Variants in ZMIZ1 observed in about 807,000 individuals in gnomAD.
The protein encoded by ZMIZ1 is zinc finger MIZ domain-containing protein 1.
Under a neutral mutation model 113.9 loss-of-function variants are expected in ZMIZ1, and 17 were observed. The ratio of observed to expected loss-of-function variants is 0.15; its 90% CI spans 0.10 to 0.22. The LOEUF (loss-of-function observed/expected upper bound fraction) is 0.22. Among genes scored for constraint, ZMIZ1 ranks in the 10% least tolerant of loss-of-function variants. The probability of loss-of-function intolerance (pLI) is 1.00; values close to 1 mark genes in which losing one functional copy is unlikely to be tolerated. For missense variants in ZMIZ1, 1,059 were observed against 1,477.8 expected (o/e 0.72, Z 4.65); for synonymous variants, 607 against 603.1 (o/e 1.01, Z -0.09).
chr10:79,312,100 C>T (rs1429413049), intron 24 of ZMIZ1, among the ~76,000 whole-genome samples: 1 of 152,230 alleles, frequency 6.6e-6, no homozygotes, highest in Non-Finnish European at 1.5e-5. Context: ...CCAAGGATAT[C>T]TCAGTAGAGG....
At chr10:79,121,816 G>A (rs1350238764) in intron 2 of ZMIZ1, among the ~76,000 whole-genome samples, 6 of 152,136 alleles carry the variant, frequency 3.9e-5, no homozygotes, top group African/African-American at 7.2e-5. Flanking sequence ...AATTTGCTAG[G>A]TTGATGTCAA....
chr10:79,152,278 C>A (rs1489125376), intron 3 of ZMIZ1, among the ~76,000 whole-genome samples: 1 of 152,158 alleles, frequency 6.6e-6, no homozygotes, highest in Non-Finnish European at 1.5e-5. Flanking sequence ...GCAAGAGGAG[C>A]ACTTGAGCTC....
chr10:79,131,398 GTT>G (rs1262105570), intron 2 of ZMIZ1, among the ~76,000 whole-genome samples: 1 of 152,150 alleles, frequency 6.6e-6, no homozygotes, highest in Non-Finnish European at 1.5e-5. Context: ...TTTTCAGGGG[GTT>G]TATCTCCCTC....
At chr10:79,147,984 G>A (rs978226206) in intron 3 of ZMIZ1, among the ~76,000 whole-genome samples, 4 of 152,328 alleles carry the variant, frequency 2.6e-5, no homozygotes, top group East Asian at 1.9e-4. Context: ...GGCCTTCATC[G>A]AGGTTTGTCA....
chr10:79,247,098 C>T (rs1850250721), intron 7 of ZMIZ1, among the ~76,000 whole-genome samples: 1 of 152,252 alleles, frequency 6.6e-6, no homozygotes, highest in Non-Finnish European at 1.5e-5. Flanking sequence ...GCTGCCGCCT[C>T]CAGCTCCCAT....
intron 7 of ZMIZ1, among the ~76,000 whole-genome samples, chr10:79,251,278 A>G (rs1211930754): frequency 2.0e-5 from 3 of 152,106 alleles, no homozygotes; most frequent in South Asian, 2.1e-4. Flanking sequence ...CATCTGTAGA[A>G]CCGGAGACTA....
chr10:79,199,368 A>G (rs562207282), intron 4 of ZMIZ1, among the ~76,000 whole-genome samples: 1 of 151,860 alleles, frequency 6.6e-6, no homozygotes, highest in South Asian at 2.1e-4. Context: ...TTAGCCAGGC[A>G]TAGTGGCAGC....
At chr10:79,307,360 T>G (rs1854779497) in intron 22 of ZMIZ1, 45 bp from the exon 23 acceptor site, 1 of 1,582,612 alleles carries the variant, frequency 6.3e-7, no homozygotes, top group Non-Finnish European at 8.7e-7. Context: ...GTGGCCACTA[T>G]CCCTCTGGGT....
At chr10:79,269,704 G>T (rs1421377816) in intron 7 of ZMIZ1, among the ~76,000 whole-genome samples, 1 of 151,988 alleles carries the variant, frequency 6.6e-6, no homozygotes, top group East Asian at 1.9e-4. Flanking sequence ...ATTCCTGACC[G>T]CCAGATCTTA....
chr10:79,275,653 G>A (rs1852241092), intron 7 of ZMIZ1, among the ~76,000 whole-genome samples: 1 of 152,192 alleles, frequency 6.6e-6, no homozygotes, highest in Non-Finnish European at 1.5e-5. Context: ...GAGTCAGAGG[G>A]GCTGGGGAGC....
In ZMIZ1 at chr10:79,275,889, A is replaced by T. The variant is rs368563540; in HGVS notation, c.281-1292A>T. ...GCTAATGATGTCCTAGATGGTCAAG[A>T]AAAAAAAAGGATGCAGAAGCACGTT... On this transcript the variant is annotated intron_variant, in intron 7 of 24. Coordinates refer to ENST00000334512, the MANE Select transcript of ZMIZ1 (RefSeq NM_020338.4). Among the ~76,000 whole-genome samples the T allele has an allele frequency of 3.0e-4, 46 of 151,728 alleles. No individual in the cohort carries two copies. The East Asian group carries it at 8.5e-3, about 28-fold the overall frequency.
At chr10:79,242,175 G>C (rs73302199) in intron 7 of ZMIZ1, among the ~76,000 whole-genome samples, 1,826 of 152,276 alleles carry the variant, frequency 0.012, 42 homozygotes, top group African/African-American at 0.041. Context: ...GCAGAGAGGT[G>C]GGGGGTGAGC....
At chr10:79,136,395 G>A (rs1232524771) in intron 2 of ZMIZ1, among the ~76,000 whole-genome samples, 2 of 152,222 alleles carry the variant, frequency 1.3e-5, no homozygotes, top group Non-Finnish European at 2.9e-5. Context: ...GGCAGGGTGA[G>A]GTAAACAGGA....
chr10:79,185,243 T>TC (rs1385963677), intron 4 of ZMIZ1, among the ~76,000 whole-genome samples: 1 of 151,360 alleles, frequency 6.6e-6, no homozygotes, highest in African/African-American at 2.4e-5. Flanking sequence ...GACGCCCCCC[T>TC]CCCCCCGAAA....
At chr10:79,261,719 C>T (rs1851284484) in intron 7 of ZMIZ1, among the ~76,000 whole-genome samples, 1 of 152,208 alleles carries the variant, frequency 6.6e-6, no homozygotes, top group Non-Finnish European at 1.5e-5. Context: ...AGAGTAGAAG[C>T]TTTAATTAGA....
At chr10:79,093,244 T>C (rs1044755501) in intron 1 of ZMIZ1, among the ~76,000 whole-genome samples, 1 of 151,748 alleles carries the variant, frequency 6.6e-6, no homozygotes, top group Non-Finnish European at 1.5e-5. Flanking sequence ...TCATTTACTG[T>C]TCTGAAGAAC....
At chr10:79,309,833 T>C (rs963486100) in intron 23 of ZMIZ1, among the ~76,000 whole-genome samples, 1 of 152,216 alleles carries the variant, frequency 6.6e-6, no homozygotes, top group Admixed American at 6.5e-5. Context: ...GCCAGGCTGC[T>C]GTTCCAGTGG....
chr10:79,226,404 G>T (rs1445115321), intron 7 of ZMIZ1, among the ~76,000 whole-genome samples: 2 of 152,176 alleles, frequency 1.3e-5, no homozygotes, highest in African/African-American at 4.8e-5. Context: ...TCCTGCATCT[G>T]CCTCTAGCCA....
At chr10:79,088,207 C>T (rs913582428) in intron 1 of ZMIZ1, among the ~76,000 whole-genome samples, 37 of 152,262 alleles carry the variant, frequency 2.4e-4, no homozygotes, top group African/African-American at 8.9e-4. Flanking sequence ...TTGCCCAAAG[C>T]TACTGGGTCT....
Sources: gnomAD v4.1 joint callset for allele counts (sites outside exome capture counted in the v4.1 genomes callset) on GRCh38, gnomAD v4.1.1 for gene constraint, MANE v1.5 for transcripts, NCBI Gene and HGNC (gene_info 2026-07-23, HGNC 2026-07-21) for gene names.